The following MYH13 variants were observed in gnomAD, a reference collection of about 807,000 sequenced individuals.
The protein encoded by MYH13 is myosin-13.
A neutral mutation model predicts 232.1 loss-of-function variants in MYH13; 177 were observed. The ratio of observed to expected loss-of-function variants is 0.76; its 90% CI spans 0.67 to 0.86. MYH13 has a LOEUF of 0.86. Among genes scored for constraint, MYH13 ranks in the 40% least tolerant of loss-of-function variants. MYH13 has a pLI of 0.00. For missense variants in MYH13, 2,246 were observed against 2,405.9 expected, an observed-to-expected ratio of 0.93 and a Z score of 1.39; for synonymous variants, 884 against 923.5, an observed-to-expected ratio of 0.96 and a Z score of 0.78.
At position 10,338,851 on chromosome 17, in the gene MYH13, C is replaced by T. The variant is rs566095955; in HGVS notation, c.2056+1299G>A. ...GAATAGCTGGGACTACAGGCGCCCG[C>T]CACCACGCCCAGCTAATTTGTTTGC... On this transcript the variant is annotated intron_variant, in intron 18 of 40. Coordinates refer to ENST00000252172, the MANE Select transcript of MYH13 (RefSeq NM_003802.3). 2.0e-5 allele frequency among the ~76,000 whole-genome samples: 3 copies of T among 152,152 alleles called. No individual in the cohort carries two copies. The East Asian group carries it at 5.8e-4, about 29-fold the overall frequency.
chr17:10,348,080 A>G (rs903603848), intron 12 of MYH13, among the ~76,000 whole-genome samples: 4 of 152,148 alleles, frequency 2.6e-5, no homozygotes, highest in African/African-American at 4.8e-5. Context: ...ATAAAAATCT[A>G]GGGCAGTCTA....
At chr17:10,360,698 A>C (rs188029702) in intron 5 of MYH13, among the ~76,000 whole-genome samples, 1 of 152,190 alleles carries the variant, frequency 6.6e-6, no homozygotes, top group East Asian at 1.9e-4. Context: ...TCTAACCCCT[A>C]GTACCTCAGA....
At chr17:10,361,485 G>A (rs561378781) in intron 5 of MYH13, among the ~76,000 whole-genome samples, 1 of 152,150 alleles carries the variant, frequency 6.6e-6, no homozygotes, top group South Asian at 2.1e-4. Context: ...CTAGAGAGAG[G>A]GTTTCATCAT....
At chr17:10,366,381 G>GTTTGTTTGTT (rs2071837334) in intron 2 of MYH13, among the ~76,000 whole-genome samples, 4 of 112,640 alleles carry the variant, frequency 3.6e-5, no homozygotes, top group African/African-American at 9.7e-5. Context: ...AAATAAATCT[G>GTTTGTTTGTT]TTTTTTTTTT....
At chr17:10,357,893 CT>C in intron 7 of MYH13, 66 bp from the exon 8 acceptor site, 1 of 1,429,172 alleles carries the variant, frequency 7.0e-7, no homozygotes, top group South Asian at 1.2e-5. Context: ...CCCTTGATGA[CT>C]AAAACGGTGG....
At chr17:10,316,683 T>C (rs1906725843) in intron 27 of MYH13, among the ~76,000 whole-genome samples, 1 of 152,196 alleles carries the variant, frequency 6.6e-6, no homozygotes, top group Non-Finnish European at 1.5e-5. Flanking sequence ...CAGATGACAG[T>C]GTTAAGCATT....
intron 2 of MYH13, among the ~76,000 whole-genome samples, chr17:10,366,381 G>GTTTGTTTTTTTTTTTTTT (rs2071837334): frequency 8.9e-6 from 1 of 112,622 alleles, no homozygotes; most frequent in African/African-American, 3.2e-5. Flanking sequence ...AAATAAATCT[G>GTTTGTTTTTTTTTTTTTT]TTTTTTTTTT....
intron 20 of MYH13, among the ~76,000 whole-genome samples, chr17:10,331,604 G>C (rs911849340): frequency 6.6e-6 from 1 of 152,092 alleles, no homozygotes; most frequent in African/African-American, 2.4e-5. Flanking sequence ...TTGAGACAGG[G>C]CTTCACTTTG....
chr17:10,318,652 T>C lies in MYH13; in HGVS notation c.3738+138A>G, dbSNP rs1268865632. ...AAGGACGTGAGTAAATTTGAGGAAC[T>C]AGAAACAGGCAGAAATAGGGAAGAG... On this transcript the variant is annotated intron_variant, in intron 27 of 40. Coordinates refer to ENST00000252172, the MANE Select transcript of MYH13 (RefSeq NM_003802.3). The C allele has an allele frequency of 3.4e-6, 4 of 1,167,876 alleles. No individual in the cohort carries two copies. The African/African-American group carries it at 4.6e-5, about 13-fold the overall frequency. The allele number at this position is 1,167,876 out of a possible 1,614,324, so 72.3% of individuals were successfully genotyped here. A position where few individuals can be genotyped will look rare whatever the true frequency, so the allele number is the denominator to read the frequency against.
chr17:10,308,513 G>A lies in MYH13; in HGVS notation c.5169+721C>T, dbSNP rs1183612107. Reference sequence around the variant, plus strand: ...TTGCCCACGCTGGTCTCAGACTCCTGAGATCAAACAATCCCAAATTCCTGG... The same window carrying A: ...TTGCCCACGCTGGTCTCAGACTCCTAAGATCAAACAATCCCAAATTCCTGG... On this transcript the variant is annotated intron_variant, in intron 35 of 40. Coordinates refer to ENST00000252172, the MANE Select transcript of MYH13 (RefSeq NM_003802.3). 2.2e-5 allele frequency among the ~76,000 whole-genome samples: 3 copies of A among 134,842 alleles called. No individual in the cohort carries two copies. The Admixed American group carries it at 2.5e-4, about 11-fold the overall frequency. The allele number at this position is 134,842 out of a possible 152,430, so 88.5% of individuals were successfully genotyped here. A position where few individuals can be genotyped will look rare whatever the true frequency, so the allele number is the denominator to read the frequency against.
intron 2 of MYH13, among the ~76,000 whole-genome samples, chr17:10,366,896 AAGTTGCATTTT>A (rs1207074616): frequency 2.0e-5 from 3 of 152,148 alleles, no homozygotes; most frequent in Non-Finnish European, 4.4e-5. Context: ...TTATTCAGAT[AAGTTGCATTTT>A]AGTTATACTT....
At chr17:10,369,135 T>G (rs2071860030) in intron 2 of MYH13, among the ~76,000 whole-genome samples, 1 of 151,570 alleles carries the variant, frequency 6.6e-6, no homozygotes, top group East Asian at 1.9e-4. Flanking sequence ...TTATCAAAAT[T>G]TGCCATCAAT....
intron 7 of MYH13, among the ~76,000 whole-genome samples, chr17:10,358,891 G>A (rs1394856844): frequency 3.9e-5 from 6 of 152,218 alleles, no homozygotes; most frequent in Non-Finnish European, 7.3e-5. Flanking sequence ...ACTCCAGTTT[G>A]AAAACCACTG....
intron 11 of MYH13, 67 bp from the exon 12 acceptor site, chr17:10,350,761 A>G (rs758579634): frequency 6.3e-7 from 1 of 1,593,904 alleles, no homozygotes. Flanking sequence ...TTTTCTTGGC[A>G]AAGACCTTAC....
At chr17:10,312,118 G>A (rs1032916088) in intron 31 of MYH13, 42 bp from the exon 32 acceptor site, 3 of 1,608,622 alleles carry the variant, frequency 1.9e-6, no homozygotes, top group Non-Finnish European at 2.5e-6. Flanking sequence ...AGAAAGCAGG[G>A]GTGACTCAGA....
chr17:10,320,764 T>C (rs16943316), intron 24 of MYH13, among the ~76,000 whole-genome samples: 1,828 of 152,298 alleles, frequency 0.012, 41 homozygotes, highest in African/African-American at 0.042. Context: ...GCCCAGACTA[T>C]GTTCCCTGTA....
At chr17:10,345,052 A>T in intron 15 of MYH13, 150 bp downstream of exon 15, 1 of 1,252,052 alleles carries the variant, frequency 8.0e-7, no homozygotes, top group Non-Finnish European at 1.1e-6. Flanking sequence ...TAGGACATTC[A>T]TTCTCTTTGC....
chr17:10,371,768 C>A (rs372787689), intron 1 of MYH13, among the ~76,000 whole-genome samples: 7 of 152,086 alleles, frequency 4.6e-5, no homozygotes, highest in East Asian at 3.9e-4. Context: ...GGGCAGTCAC[C>A]TTTTTTTGGC....
chr17:10,301,480 C>A, intron 40 of MYH13, 89 bp downstream of exon 40: 1 of 1,569,854 alleles, frequency 6.4e-7, no homozygotes. Context: ...CTTATCTGGC[C>A]TCCCACACTC....
Sources: gnomAD v4.1 joint callset for allele counts (sites outside exome capture counted in the v4.1 genomes callset) on GRCh38, gnomAD v4.1.1 for gene constraint, MANE v1.5 for transcripts, NCBI Gene and HGNC (gene_info 2026-07-23, HGNC 2026-07-21) for gene names.